The following CDH2 variants were observed in gnomAD, a reference collection of about 807,000 sequenced individuals.
The protein encoded by CDH2 is cadherin-2.
In CDH2, 17 loss-of-function variants were observed where a neutral mutation model predicts 92.0. That is an observed-to-expected ratio of 0.18 (90% CI 0.13 to 0.28). The LOEUF is 0.28. Among genes scored for constraint, CDH2 ranks in the 10% least tolerant of loss-of-function variants. The probability of loss-of-function intolerance (pLI) is 1.00; values close to 1 mark genes in which losing one functional copy is unlikely to be tolerated. For synonymous variants in CDH2, 419 were observed against 415.9 expected, an observed-to-expected ratio of 1.01 and a Z score of -0.09; for missense variants, 862 against 1,133.1, an observed-to-expected ratio of 0.76 and a Z score of 3.44.
chr18:28,127,307 G>A (rs1024043917), intron 2 of CDH2, among the ~76,000 whole-genome samples: 2 of 152,100 alleles, frequency 1.3e-5, no homozygotes, highest in Admixed American at 6.5e-5. Flanking sequence ...GAGCAGTTAC[G>A]GATTCAGTGG....
chr18:27,973,666 C>G (rs952457767), intron 14 of CDH2, among the ~76,000 whole-genome samples: 2 of 152,218 alleles, frequency 1.3e-5, no homozygotes, highest in African/African-American at 4.8e-5. Context: ...AGTACCTAAC[C>G]TGGGTTTGTT....
intron 2 of CDH2, among the ~76,000 whole-genome samples, chr18:28,143,996 G>A (rs1353065325): frequency 6.6e-6 from 1 of 151,878 alleles, no homozygotes; most frequent in African/African-American, 2.4e-5. Flanking sequence ...AGGAACTGTC[G>A]GTGGGTGGAG....
Position 28,028,715 on chromosome 18 carries a change from C to T in CDH2, c.173-14806G>A, listed in dbSNP as rs753510444. On this transcript the variant is annotated intron_variant, in intron 2 of 15. Coordinates refer to ENST00000269141, the MANE Select transcript of CDH2 (RefSeq NM_001792.5). ...GGAAAGAACTTTGTAAGCTGAAAAG[C>T]TGTACTATTCAAGTAAACTATAAGA... is the stretch of plus-strand genomic sequence containing the variant. Among the ~76,000 whole-genome samples, 6 of 152,132 alleles carry T rather than the reference C, an allele frequency of 3.9e-5. No homozygotes were observed. The Middle Eastern group carries it at 0.017, about 431-fold the overall frequency.
intron 14 of CDH2, among the ~76,000 whole-genome samples, chr18:27,974,890 T>A (rs888076231): frequency 1.4e-4 from 21 of 152,148 alleles, no homozygotes; most frequent in Admixed American, 1.3e-3. Context: ...AAGAAATAAA[T>A]TTGTCTTGTT....
intron 2 of CDH2, among the ~76,000 whole-genome samples, chr18:28,026,250 A>G (rs1165185548): frequency 6.6e-6 from 1 of 152,124 alleles, no homozygotes; most frequent in East Asian, 1.9e-4. Flanking sequence ...TAAGGCACTG[A>G]TTTGCCCATC....
intron 14 of CDH2, among the ~76,000 whole-genome samples, chr18:27,963,862 T>G (rs1463681169): frequency 6.6e-6 from 1 of 152,138 alleles, no homozygotes; most frequent in African/African-American, 2.4e-5. Flanking sequence ...GCTAACTTCA[T>G]GTCTTTAATA....
intron 15 of CDH2, 28 bp from the exon 16 acceptor site, chr18:27,952,387 A>G: frequency 6.4e-7 from 1 of 1,570,006 alleles, no homozygotes; most frequent in Non-Finnish European, 8.8e-7. Flanking sequence ...AAAGAATGAA[A>G]GAATTAAGAG....
At chr18:27,989,799 T>C (rs2012351454) in intron 10 of CDH2, among the ~76,000 whole-genome samples, 1 of 152,152 alleles carries the variant, frequency 6.6e-6, no homozygotes, top group Admixed American at 6.5e-5. Context: ...ATGTTTGGCA[T>C]AAAGGCACAG....
intron 1 of CDH2, among the ~76,000 whole-genome samples, chr18:28,154,359 G>A (rs1027423421): frequency 1.3e-5 from 2 of 152,124 alleles, no homozygotes; most frequent in Non-Finnish European, 2.9e-5. Flanking sequence ...TGAAATTCAC[G>A]CTGGTCAGAG....
At chr18:28,097,053 T>C (rs1038632100) in intron 2 of CDH2, 5 of 152,216 alleles carry the variant, frequency 3.3e-5, no homozygotes, top group African/African-American at 1.2e-4. Flanking sequence ...CAAGTAATAT[T>C]TTCTCCTACC....
At chr18:28,065,291 A>G (rs1213092209) in intron 2 of CDH2, among the ~76,000 whole-genome samples, 1 of 152,148 alleles carries the variant, frequency 6.6e-6, no homozygotes, top group Non-Finnish European at 1.5e-5. Context: ...CAACTCTATC[A>G]GGCATCACAG....
chr18:28,156,164 T>C (rs961199670), intron 1 of CDH2, among the ~76,000 whole-genome samples: 2 of 152,202 alleles, frequency 1.3e-5, no homozygotes, highest in African/African-American at 2.4e-5. Flanking sequence ...ATTTTAATTA[T>C]CTTATTAGGA....
rs191140069 is a variant in CDH2 at position 28,034,969 on chromosome 18, T to C, written c.173-21060A>G. 2.0e-3 allele frequency among the ~76,000 whole-genome samples: 300 copies of C among 152,166 alleles called. 5 individuals carry two copies. Among genetic ancestry groups the C allele is most frequent in the African/African-American group, 7.0e-3 (289 of 41,536 alleles). On this transcript the variant is annotated intron_variant, in intron 2 of 15. Coordinates refer to ENST00000269141, the MANE Select transcript of CDH2 (RefSeq NM_001792.5). The stretch of plus-strand genomic sequence containing the variant: ...TTTTTTGGAACTACCTAATAAGGAA[T>C]ACAAAACAGGTGTAACTCTGGAAAA...
intron 2 of CDH2, among the ~76,000 whole-genome samples, chr18:28,029,824 T>TTAG (rs1175147830): frequency 6.6e-6 from 1 of 152,132 alleles, no homozygotes; most frequent in Non-Finnish European, 1.5e-5. Context: ...CTACACACTC[T>TTAG]TAGTCCAGCT....
At chr18:28,006,487 G>A (rs933575652) in intron 5 of CDH2, among the ~76,000 whole-genome samples, 13 of 152,148 alleles carry the variant, frequency 8.5e-5, no homozygotes, top group Non-Finnish European at 1.6e-4. Context: ...GGAGGCCAAG[G>A]AGGGCGGATC....
intron 2 of CDH2, among the ~76,000 whole-genome samples, chr18:28,107,191 T>G (rs1466575366): frequency 1.3e-5 from 2 of 151,826 alleles, no homozygotes; most frequent in African/African-American, 2.4e-5. Flanking sequence ...TTCTTTTCCT[T>G]TATGAAACAA....
At chr18:28,121,331 A>G (rs897937849) in intron 2 of CDH2, among the ~76,000 whole-genome samples, 1 of 152,108 alleles carries the variant, frequency 6.6e-6, no homozygotes, top group Non-Finnish European at 1.5e-5. Context: ...CTGCCCATTC[A>G]CTGAATGCAA....
rs775804094 is a variant in CDH2, at chr18:28,086,573, A to G, written c.172+61100T>C. On this transcript the variant is annotated intron_variant, in intron 2 of 15. Transcript: ENST00000269141. ...ATATCCTGTCAAAAATCAGGACCCT[A>G]TGAGCTCTCTGGGGACACTGACCAT... Among the ~76,000 whole-genome samples, 5 of 152,072 alleles carry G rather than the reference A, an allele frequency of 3.3e-5. No individual in the cohort carries two copies. In the South Asian group the frequency reaches 6.2e-4, roughly 19 times the overall value.
At chr18:27,978,850 C>A (rs1402612818) in intron 14 of CDH2, among the ~76,000 whole-genome samples, 2 of 151,716 alleles carry the variant, frequency 1.3e-5, no homozygotes, top group Admixed American at 6.6e-5. Flanking sequence ...GAGATGTGGT[C>A]TTACTATGTT....
Sources: gnomAD v4.1 joint callset for allele counts (sites outside exome capture counted in the v4.1 genomes callset) on GRCh38, gnomAD v4.1.1 for gene constraint, MANE v1.5 for transcripts, NCBI Gene and HGNC (gene_info 2026-07-23, HGNC 2026-07-21) for gene names.